The following NPR3 variants were observed in gnomAD, a reference collection of about 807,000 sequenced individuals.
The protein encoded by NPR3 is atrial natriuretic peptide receptor 3.
A neutral mutation model predicts 54.5 loss-of-function variants in NPR3; 34 were observed. The observed-to-expected ratio is 0.62, with a 90% CI of 0.47 to 0.83. NPR3 has a LOEUF of 0.83. NPR3 is among the 40% of genes least tolerant of loss of function. NPR3 has a pLI of 0.00. For missense variants in NPR3, 674 were observed against 720.8 expected, an observed-to-expected ratio of 0.94 and a Z score of 0.74; for synonymous variants, 289 against 297.1, an observed-to-expected ratio of 0.97 and a Z score of 0.28.
Position 32,786,527 on chromosome 5 carries a change from G to A in NPR3, c.*182G>A. 3.4e-6 allele frequency: 2 copies of A among 595,276 alleles called. No homozygotes were observed. The highest frequency in any genetic ancestry group is 6.1e-5 in the East Asian group (2 of 32,652). The allele number at this position is 595,276 out of a possible 1,614,324, so 36.9% of individuals were successfully genotyped here. On this transcript the variant is annotated 3_prime_UTR_variant, in exon 8 of 8. Transcript: ENST00000265074. ...ATGATTAATCACCATCTGCCTCCAG[G>A]CCTTTCATCTCATGACAAACAAATA...
rs148613911 is a variant in NPR3, at chr5:32,767,334, C to T, written c.1060-7374C>T. ...CTGACCAAGATCTCTTTTTCCTGTT[C>T]GGAGGTTGGTCAGACTCTCTGTCAT... On this transcript the variant is annotated intron_variant, in intron 3 of 7. Transcript: ENST00000265074. Among the ~76,000 whole-genome samples, 425 of 152,246 alleles carry T rather than the reference C, an allele frequency of 2.8e-3. 3 individuals are homozygous for T. Among genetic ancestry groups the T allele is most frequent in the Middle Eastern group, 0.01 (3 of 294 alleles).
intron 2 of NPR3, among the ~76,000 whole-genome samples, chr5:32,727,017 G>C (rs1306168891): frequency 6.6e-6 from 1 of 152,224 alleles, no homozygotes; most frequent in East Asian, 1.9e-4. Flanking sequence ...GCTGTGTTGA[G>C]TGTACATACG....
intron 3 of NPR3, among the ~76,000 whole-genome samples, chr5:32,749,311 A>AT (rs201248291): frequency 2.0e-5 from 3 of 152,042 alleles, no homozygotes; most frequent in Non-Finnish European, 4.4e-5. Context: ...AGGAAAAAAG[A>AT]TTTTTTAAAA....
chr5:32,740,565 C>T (rs1401700450), intron 3 of NPR3, among the ~76,000 whole-genome samples: 1 of 149,636 alleles, frequency 6.7e-6, no homozygotes, highest in Admixed American at 6.7e-5. Flanking sequence ...AAGTGAGCCA[C>T]ATATAGAATT....
intron 1 of NPR3, among the ~76,000 whole-genome samples, chr5:32,694,856 C>T (rs1322883937): frequency 6.6e-6 from 1 of 152,066 alleles, no homozygotes; most frequent in African/African-American, 2.4e-5. Context: ...CCTCCCCCAC[C>T]CTGTCCTTCC....
upstream of NPR3, among the ~76,000 whole-genome samples, chr5:32,707,586 G>C (rs1186688217): frequency 6.6e-6 from 1 of 152,122 alleles, no homozygotes; most frequent in Non-Finnish European, 1.5e-5. Context: ...TGCCTCTAGG[G>C]GGGAGTGTGT....
intron 1 of NPR3, among the ~76,000 whole-genome samples, chr5:32,699,986 T>G (rs560491518): frequency 6.6e-6 from 1 of 152,340 alleles, no homozygotes; most frequent in African/African-American, 2.4e-5. Flanking sequence ...AGTTTAAAAG[T>G]TTTTTCCTTC....
Position 32,789,689 on chromosome 5 carries a change from T to G in NPR3, c.*3344T>G, listed in dbSNP as rs748479373. 6.0e-5 allele frequency: 32 copies of G among 534,618 alleles called. No homozygotes were observed. Among genetic ancestry groups the G allele is most frequent in the South Asian group, 4.5e-4 (32 of 71,598 alleles). 33.1% of individuals were successfully genotyped at this position (534,618 alleles called of 1,614,324 possible). On this transcript the variant is annotated 3_prime_UTR_variant, in exon 8 of 8. Coordinates refer to ENST00000265074, the MANE Select transcript of NPR3 (RefSeq NM_001204375.2). Reference sequence around the variant, plus strand: ...GCCTTCTTTGCCCCAAATGCATCACTTTCCTTTTAGTTATGGCTGATTTTG... The same window carrying G: ...GCCTTCTTTGCCCCAAATGCATCACGTTCCTTTTAGTTATGGCTGATTTTG...
intron 3 of NPR3, among the ~76,000 whole-genome samples, chr5:32,762,261 C>T (rs1741214608): frequency 6.6e-6 from 1 of 151,960 alleles, no homozygotes; most frequent in Non-Finnish European, 1.5e-5. Context: ...CATACATGTG[C>T]ATGTGTCTTT....
At chr5:32,739,430 C>T (rs918354651) in intron 3 of NPR3, among the ~76,000 whole-genome samples, 8 of 152,026 alleles carry the variant, frequency 5.3e-5, no homozygotes, top group Non-Finnish European at 7.4e-5. Context: ...TTTTTCAAAG[C>T]TTGGTGGCAG....
intron 2 of NPR3, among the ~76,000 whole-genome samples, chr5:32,731,321 T>C (rs1739437410): frequency 6.6e-6 from 1 of 152,218 alleles, no homozygotes; most frequent in South Asian, 2.1e-4. Flanking sequence ...CCATATTTGC[T>C]CAGACTTTGT....
intron 3 of NPR3, among the ~76,000 whole-genome samples, chr5:32,744,096 G>A (rs1332008565): frequency 6.7e-6 from 1 of 149,890 alleles, no homozygotes; most frequent in Non-Finnish European, 1.5e-5. Context: ...GGGTTCAGGT[G>A]ATTCTCCTGC....
chr5:32,737,950 T>C (rs1739836065), intron 2 of NPR3, among the ~76,000 whole-genome samples: 1 of 152,004 alleles, frequency 6.6e-6, no homozygotes, highest in Non-Finnish European at 1.5e-5. Flanking sequence ...ATATATGTGC[T>C]TAATAAATGT....
Position 32,786,009 on chromosome 5 carries a change from G to A in NPR3, c.1515-225G>A, listed in dbSNP as rs10472211. Among the ~76,000 whole-genome samples, 5,678 of 152,298 alleles carry A rather than the reference G, an allele frequency of 0.037. 373 individuals carry two copies. Among genetic ancestry groups the A allele is most frequent in the African/African-American group, 0.13 (5,458 of 41,534 alleles). ...CCCCAAGGCACCCAGGGAAGAAGGGGAAGGCTTGTTCTGTGGTATTTGGGA... is the reference window on the plus strand; with the variant it reads ...CCCCAAGGCACCCAGGGAAGAAGGGAAAGGCTTGTTCTGTGGTATTTGGGA... On this transcript the variant is annotated intron_variant, in intron 7 of 7. Coordinates refer to ENST00000265074, the MANE Select transcript of NPR3 (RefSeq NM_001204375.2).
chr5:32,713,420 T>C (rs2111847353), intron 1 of NPR3: 1 of 985,350 alleles, frequency 1.0e-6, no homozygotes, highest in Non-Finnish European at 1.2e-6. Context: ...TAATCGCCAG[T>C]GTGGCCCATT....
chr5:32,758,496 C>T (rs1453516026), intron 3 of NPR3, among the ~76,000 whole-genome samples: 2 of 152,002 alleles, frequency 1.3e-5, no homozygotes, highest in Non-Finnish European at 2.9e-5. Flanking sequence ...TCTGTCTTTT[C>T]TTCTTTATTA....
chr5:32,774,679 G>GA (rs1214663619), intron 3 of NPR3, 29 bp from the exon 4 acceptor site: 1 of 1,586,030 alleles, frequency 6.3e-7, no homozygotes, highest in African/African-American at 1.3e-5. Flanking sequence ...TTGGTGTTTT[G>GA]GTTCACCCAT....
rs1232528090 is a variant in NPR3 at position 32,711,748 on chromosome 5, G to A, written c.-29G>A. The A allele has an allele frequency of 8.5e-6, 12 of 1,411,238 alleles. No homozygotes were observed. The highest frequency in any genetic ancestry group is 9.2e-6 in the Non-Finnish European group (10 of 1,083,340). 87.4% of individuals were successfully genotyped at this position (1,411,238 alleles called of 1,614,324 possible). A position where few individuals can be genotyped will look rare whatever the true frequency, so the allele number is the denominator to read the frequency against. On this transcript the variant is annotated 5_prime_UTR_variant, in exon 1 of 8. Coordinates refer to ENST00000265074, the MANE Select transcript of NPR3 (RefSeq NM_001204375.2). The stretch of plus-strand genomic sequence containing the variant: ...GGGGGGCAGAGGGCGAGTCGGCGGC[G>A]GCGAGGGCAAGCTCTTTCTTGCGGC...
rs1338566587 is a variant in NPR3 at position 32,791,528 on chromosome 5, T to C, written c.*5183T>C. Reference sequence around the variant, plus strand: ...GTTTTGTGTAGAAAAGGAGAACTAATGACTGTGGATATAACCCATGTTTTG... The same window carrying C: ...GTTTTGTGTAGAAAAGGAGAACTAACGACTGTGGATATAACCCATGTTTTG... On this transcript the variant is annotated 3_prime_UTR_variant, in exon 8 of 8. Coordinates refer to ENST00000265074, the MANE Select transcript of NPR3 (RefSeq NM_001204375.2). 5 of 167,134 alleles carry C rather than the reference T, an allele frequency of 3.0e-5. No homozygotes were observed. The highest frequency in any genetic ancestry group is 1.2e-4 in the African/African-American group (5 of 41,464). 10.4% of individuals were successfully genotyped at this position (167,134 alleles called of 1,614,324 possible). A position where few individuals can be genotyped will look rare whatever the true frequency, so the allele number is the denominator to read the frequency against.
Sources: allele counts gnomAD v4.1 joint callset (sites outside exome capture counted in the v4.1 genomes callset), GRCh38; gene constraint gnomAD v4.1.1; transcripts MANE v1.5; gene names NCBI Gene and HGNC (gene_info 2026-07-23, HGNC 2026-07-21).